Variants in KCNK2 observed in about 807,000 individuals in gnomAD.
KCNK2 encodes potassium two pore domain channel subfamily K member 2, also known as potassium channel subfamily K member 2.
In KCNK2, 21 loss-of-function variants were observed where a neutral mutation model predicts 40.5. The ratio of observed to expected loss-of-function variants is 0.52; its 90% CI spans 0.37 to 0.75. The LOEUF (loss-of-function observed/expected upper bound fraction) is 0.75. Ranked by LOEUF, KCNK2 falls within the 30% of genes least tolerant of loss-of-function variation. The probability of loss-of-function intolerance (pLI) is 0.00; values close to 1 mark genes in which losing one functional copy is unlikely to be tolerated. For missense variants in KCNK2, 399 were observed against 531.6 expected, an observed-to-expected ratio of 0.75 and a Z score of 2.45; for synonymous variants, 191 against 202.2, an observed-to-expected ratio of 0.94 and a Z score of 0.47.
chr1:215,212,052 T>C (rs141870850), intron 6 of KCNK2, among the ~76,000 whole-genome samples: 1 of 152,226 alleles, frequency 6.6e-6, no homozygotes, highest in East Asian at 1.9e-4. Flanking sequence ...ATGATTCATG[T>C]TTTAATAAAG....
At chr1:215,006,855 C>G (rs1029775929) in intron 1 of KCNK2, among the ~76,000 whole-genome samples, 11 of 151,158 alleles carry the variant, frequency 7.3e-5, no homozygotes, top group Non-Finnish European at 1.2e-4. Flanking sequence ...AATGGCATTA[C>G]ATTGTGTCAC....
At chr1:215,144,942 A>C (rs1387128401) in intron 3 of KCNK2, among the ~76,000 whole-genome samples, 1 of 152,206 alleles carries the variant, frequency 6.6e-6, no homozygotes, top group African/African-American at 2.4e-5. Flanking sequence ...AAAGGTGAAC[A>C]GTAATTTAGA....
At chr1:215,210,380 T>C (rs1665688726) in intron 6 of KCNK2, among the ~76,000 whole-genome samples, 1 of 151,814 alleles carries the variant, frequency 6.6e-6, no homozygotes, top group Non-Finnish European at 1.5e-5. Context: ...AGGGTAAGAA[T>C]TGCTTTCCTA....
At chr1:215,152,356 TC>T (rs1409706008) in intron 3 of KCNK2, among the ~76,000 whole-genome samples, 6 of 152,122 alleles carry the variant, frequency 3.9e-5, no homozygotes, top group South Asian at 4.1e-4. Context: ...CCTCTCCACT[TC>T]CTAGTTGGCT....
chr1:215,174,002 T>G (rs1454417549), intron 5 of KCNK2, among the ~76,000 whole-genome samples: 1 of 152,254 alleles, frequency 6.6e-6, no homozygotes, highest in African/African-American at 2.4e-5. Context: ...ATTTTGGCTT[T>G]TGTTGCCATT....
intron 5 of KCNK2, among the ~76,000 whole-genome samples, chr1:215,185,393 G>T (rs1267727964): frequency 6.6e-6 from 1 of 152,156 alleles, no homozygotes; most frequent in Non-Finnish European, 1.5e-5. Flanking sequence ...TTTGGAATGA[G>T]AATGTGGATT....
intron 3 of KCNK2, among the ~76,000 whole-genome samples, chr1:215,156,374 A>T (rs1662925480): frequency 6.6e-6 from 1 of 152,104 alleles, no homozygotes; most frequent in Non-Finnish European, 1.5e-5. Flanking sequence ...CTTGAAAGTG[A>T]TGTGAAAAAG....
Position 215,031,000 on chromosome 1 carries a change from CT to C in KCNK2, c.34+25052del, listed in dbSNP as rs375453640. On this transcript the variant is annotated intron_variant, in intron 1 of 6. Transcript: ENST00000391895. ...GTCCAGCATCATTTGTTGAAAAGAC[CT>C]TTTTTTCTCCATTGTATTTCCTTTG... 3.4e-3 allele frequency among the ~76,000 whole-genome samples: 524 copies of C among 152,142 alleles called. 3 individuals are homozygous for C. Among genetic ancestry groups the C allele is most frequent in the African/African-American group, 0.012 (511 of 41,528 alleles).
In KCNK2 at chr1:215,086,522, G is replaced by C; in HGVS notation, c.201G>C (p.Leu67=). The change falls in exon 2 of 7, where the codon CTG becomes CTC. Residue 67 remains leucine, a synonymous_variant. Coordinates refer to ENST00000444842, the MANE Select transcript of KCNK2 (RefSeq NM_001017425.3). ...MKWKTVSTIF[L]VVVLYLIIGA... ...GGAAGACGGTCTCCACGATATTCCT[G>C]GTGGTTGTCCTCTATCTGATCATCG... 1 of 1,614,174 alleles carries C rather than the reference G, an allele frequency of 6.2e-7. No homozygotes were observed. The highest frequency in any genetic ancestry group is 8.5e-7 in the Non-Finnish European group (1 of 1,180,034).
intron 2 of KCNK2, among the ~76,000 whole-genome samples, chr1:215,117,702 T>C (rs1661009009): frequency 6.6e-6 from 1 of 152,132 alleles, no homozygotes. Context: ...TATGCTAGTG[T>C]AGTGTGGTTT....
chr1:215,115,011 G>A (rs1019559975), intron 2 of KCNK2, among the ~76,000 whole-genome samples: 1 of 151,790 alleles, frequency 6.6e-6, no homozygotes, highest in Non-Finnish European at 1.5e-5. Flanking sequence ...GTGTGTGTGT[G>A]TGTGTGTGTG....
intron 6 of KCNK2, among the ~76,000 whole-genome samples, chr1:215,229,540 C>G (rs1052395007): frequency 1.3e-5 from 2 of 151,758 alleles, no homozygotes; most frequent in Admixed American, 1.3e-4. Context: ...GAGCATGCAC[C>G]ATAGTCCAAG....
intron 6 of KCNK2, among the ~76,000 whole-genome samples, chr1:215,210,361 A>T (rs1386878439): frequency 2.0e-5 from 3 of 151,910 alleles, no homozygotes; most frequent in Non-Finnish European, 1.5e-5. Flanking sequence ...GGTCATATAT[A>T]AGCAGGGCAG....
intron 6 of KCNK2, among the ~76,000 whole-genome samples, chr1:215,218,724 TC>T: frequency 6.6e-6 from 1 of 152,152 alleles, no homozygotes; most frequent in East Asian, 1.9e-4. Context: ...TCTCATCAAC[TC>T]CTTTCTTTTA....
intron 6 of KCNK2, among the ~76,000 whole-genome samples, chr1:215,222,294 T>C (rs1036894386): frequency 6.6e-6 from 1 of 152,138 alleles, no homozygotes; most frequent in African/African-American, 2.4e-5. Context: ...CTTCATAAAA[T>C]GGATTGTTAA....
At position 215,083,415 on chromosome 1, in the gene KCNK2, C is replaced by G. The variant is rs199698339; in HGVS notation, c.30C>G (p.Pro10=). Residue 10 remains proline, a synonymous_variant, in exon 1 of 7, where the codon CCC becomes CCG. Transcript: ENST00000444842. ...TTCCCAGCGCCTCGCGGGAGAGACC[C>G]GGCTATAGAGCAGGAGGTGAGACCC... MLPSASRER[P]GYRAGVAAPD... is the part of the protein sequence containing the mutation. 1.9e-6 allele frequency: 3 copies of G among 1,613,732 alleles called. No individual in the cohort carries two copies. The highest frequency in any genetic ancestry group is 1.3e-5 in the African/African-American group (1 of 75,036).
At chr1:215,194,177 AC>A (rs1311522650) in intron 5 of KCNK2, among the ~76,000 whole-genome samples, 1 of 152,170 alleles carries the variant, frequency 6.6e-6, no homozygotes, top group East Asian at 1.9e-4. Context: ...TTAATGGGGT[AC>A]TAAACAAAGG....
chr1:215,055,601 T>C (rs1658131071), intron 1 of KCNK2, among the ~76,000 whole-genome samples: 1 of 152,222 alleles, frequency 6.6e-6, no homozygotes, highest in Non-Finnish European at 1.5e-5. Flanking sequence ...CTATATTCTT[T>C]AAGGTCTCAC....
intron 2 of KCNK2, among the ~76,000 whole-genome samples, chr1:215,108,065 C>T (rs1660515751): frequency 6.6e-6 from 1 of 152,032 alleles, no homozygotes; most frequent in Non-Finnish European, 1.5e-5. Flanking sequence ...TCACAAGGAG[C>T]ACACAGCCTA....
Sources: allele counts gnomAD v4.1 joint callset (sites outside exome capture counted in the v4.1 genomes callset), GRCh38; gene constraint gnomAD v4.1.1; transcripts MANE v1.5; gene names NCBI Gene and HGNC (gene_info 2026-07-23, HGNC 2026-07-21).